Variants in LZIC observed in about 807,000 individuals in gnomAD.
LZIC encodes the protein leucine zipper and CTNNBIP1 domain containing.
In LZIC, 28 loss-of-function variants were observed where a neutral mutation model predicts 25.4. The observed-to-expected ratio is 1.10, with a 90% CI of 0.82 to 1.51. The LOEUF (loss-of-function observed/expected upper bound fraction) is 1.51. LZIC is among the 40% of genes most tolerant of loss of function. LZIC has a pLI of 0.00. For synonymous variants in LZIC, 65 were observed against 70.7 expected (o/e 0.92, Z 0.40); for missense variants, 170 against 211.1 (o/e 0.81, Z 1.21).
chr1:9,925,484 AGT>A (rs1639959561), downstream of LZIC, among the ~76,000 whole-genome samples: 1 of 152,254 alleles, frequency 6.6e-6, no homozygotes, highest in Non-Finnish European at 1.5e-5. Flanking sequence ...AGCAATAAGC[AGT>A]GTGATTTTCT....
At chr1:9,932,697 A>AC in intron 6 of LZIC, 106 bp downstream of exon 6, 1 of 596,832 alleles carries the variant, frequency 1.7e-6, no homozygotes, top group South Asian at 2.4e-5. Flanking sequence ...AAAAAAAAAA[A>AC]AAAAAAAAGA....
At chr1:9,922,748 A>G (rs1169196786), downstream of LZIC, among the ~76,000 whole-genome samples, 1 of 152,264 alleles carries the variant, frequency 6.6e-6, no homozygotes, top group Non-Finnish European at 1.5e-5. Context: ...TCAAACAAGC[A>G]TCCAGGTGAC....
intron 5 of LZIC, among the ~76,000 whole-genome samples, chr1:9,934,086 C>T (rs1308859046): frequency 2.0e-5 from 3 of 151,696 alleles, no homozygotes; most frequent in African/African-American, 2.4e-5. Flanking sequence ...ATTAGCCAGG[C>T]GTGGTGGCAT....
downstream of LZIC, chr1:9,922,457 G>T: frequency 5.7e-6 from 2 of 350,854 alleles, no homozygotes; most frequent in Non-Finnish European, 8.0e-6. Flanking sequence ...TGACTTTAAT[G>T]AGTAGCCTGA....
In LZIC at chr1:9,931,883, G is replaced by T; in HGVS notation, c.514+8C>A. 1 of 1,598,334 alleles carries T rather than the reference G, an allele frequency of 6.3e-7. No individual in the cohort carries two copies. The highest frequency in any genetic ancestry group is 8.6e-7 in the Non-Finnish European group (1 of 1,168,634). Reference sequence around the variant, plus strand: ...ACGACCAGCTTTCAGAAATATGAGGGCACTCACCAAGGTCTGTAGAGACTT... The same window carrying T: ...ACGACCAGCTTTCAGAAATATGAGGTCACTCACCAAGGTCTGTAGAGACTT... On this transcript the variant is annotated splice_region_variant and intron_variant, in intron 7 of 7. Transcript: ENST00000377223.
At chr1:9,932,688 A>C in intron 6 of LZIC, 115 bp downstream of exon 6, 1 of 445,382 alleles carries the variant, frequency 2.2e-6, no homozygotes. Context: ...CGTCTCAGAA[A>C]AAAAAAAAAA....
chr1:9,932,748 C>T, intron 6 of LZIC, 55 bp downstream of exon 6: 1 of 905,068 alleles, frequency 1.1e-6, no homozygotes, highest in Non-Finnish European at 1.8e-6. Context: ...TCAAGATGTT[C>T]TGTACCAAAT....
chr1:9,940,381 G>A (rs897902124), intron 2 of LZIC, among the ~76,000 whole-genome samples: 5 of 151,696 alleles, frequency 3.3e-5, no homozygotes, highest in South Asian at 2.1e-4. Context: ...GGGTTTCATC[G>A]TGTTAGCCAG....
rs1321881143 is a variant in LZIC, at chr1:9,942,633, A to T, written c.-18T>A. 7.8e-7 allele frequency: 1 copy of T among 1,284,938 alleles called. No homozygotes were observed. Among genetic ancestry groups the T allele is most frequent in the East Asian group, 5.6e-5 (1 of 17,988 alleles). The allele number at this position is 1,284,938 out of a possible 1,614,324, so 79.6% of individuals were successfully genotyped here. On this transcript the variant is annotated 5_prime_UTR_variant, in exon 2 of 8. It removes the in-frame stop codon of an upstream open reading frame in the 5' UTR. Transcript: ENST00000377223. ...CCTCATTCATGCTCACCTGTCTCTT[A>T]GTACTCTGATCTCTGCACAGTGCCG...
chr1:9,934,286 A>C (rs1457256660), intron 5 of LZIC, among the ~76,000 whole-genome samples: 1 of 152,168 alleles, frequency 6.6e-6, no homozygotes, highest in African/African-American at 2.4e-5. Flanking sequence ...GCAGGAATTC[A>C]AATCCAGCCA....
chr1:9,937,831 G>T (rs577671806), intron 2 of LZIC, among the ~76,000 whole-genome samples: 1 of 110,704 alleles, frequency 9.0e-6, no homozygotes, highest in Non-Finnish European at 1.7e-5. Flanking sequence ...CTGGTTGACA[G>T]AGCGAGACCC....
intron 2 of LZIC, among the ~76,000 whole-genome samples, chr1:9,937,979 T>A (rs1640534632): frequency 6.6e-6 from 1 of 152,018 alleles, no homozygotes; most frequent in Non-Finnish European, 1.5e-5. Context: ...AAGTCCTCTT[T>A]ATGTGACTTG....
chr1:9,924,468 C>T (rs1456928938), downstream of LZIC, among the ~76,000 whole-genome samples: 1 of 152,012 alleles, frequency 6.6e-6, no homozygotes, highest in African/African-American at 2.4e-5. Context: ...GATTCTCCTG[C>T]CTCAGCCTCC....
rs1388571610 is a variant in LZIC, at chr1:9,928,345, C to G, written c.*2054G>C. Among the ~76,000 whole-genome samples, 1 of 152,016 alleles carries G rather than the reference C, an allele frequency of 6.6e-6. No individual in the cohort carries two copies. The highest frequency in any genetic ancestry group is 2.4e-5 in the African/African-American group (1 of 41,390). The stretch of plus-strand genomic sequence containing the variant: ...AACGACAACAACAACAACACAACAA[C>G]AAACGCAGCAATTCCATTCCTAGGT... On this transcript the variant is annotated 3_prime_UTR_variant, in exon 8 of 8. Transcript: ENST00000377223.
chr1:9,922,494 C>T (rs1179511988), downstream of LZIC: 1 of 200,368 alleles, frequency 5.0e-6, no homozygotes, highest in Admixed American at 6.5e-5. Context: ...AGGGGGTAGA[C>T]CGAACCTATT....
At chr1:9,940,986 C>G (rs1640699099) in intron 2 of LZIC, among the ~76,000 whole-genome samples, 1 of 152,270 alleles carries the variant, frequency 6.6e-6, no homozygotes, top group Middle Eastern at 3.4e-3. Flanking sequence ...TACAGTCTAA[C>G]CACACTGGAT....
chr1:9,935,764 T>A, intron 3 of LZIC, 137 bp from the exon 4 acceptor site: 1 of 758,562 alleles, frequency 1.3e-6, no homozygotes, highest in Non-Finnish European at 2.0e-6. Context: ...ATAGTAGTAG[T>A]GAGGGCATTT....
chr1:9,924,007 C>G (rs1264630939), downstream of LZIC, among the ~76,000 whole-genome samples: 1 of 152,208 alleles, frequency 6.6e-6, no homozygotes, highest in Non-Finnish European at 1.5e-5. Context: ...CCACCTCAGC[C>G]TCCCAAAGTG....
At chr1:9,936,307 G>GT (rs1479481976) in intron 3 of LZIC, among the ~76,000 whole-genome samples, 1 of 152,146 alleles carries the variant, frequency 6.6e-6, no homozygotes, top group Admixed American at 6.6e-5. Context: ...TTTTGCTCAA[G>GT]TTCACATGCA....
Sources: gnomAD v4.1 joint callset for allele counts (sites outside exome capture counted in the v4.1 genomes callset) on GRCh38, gnomAD v4.1.1 for gene constraint, MANE v1.5 for transcripts, NCBI Gene and HGNC (gene_info 2026-07-23, HGNC 2026-07-21) for gene names.